The following B3GALT1 variants were observed in gnomAD, a reference collection of about 807,000 sequenced individuals.
B3GALT1 encodes UDP-Gal:betaGlcNAc beta 1,3-galactosyltransferase, polypeptide 1.
In B3GALT1, 10 loss-of-function variants were observed where a neutral mutation model predicts 23.2. That is an observed-to-expected ratio of 0.43 (90% CI 0.27 to 0.73). B3GALT1 has a LOEUF of 0.73. B3GALT1 is among the 30% of genes least tolerant of loss of function. The probability of loss-of-function intolerance (pLI) is 0.21; values close to 1 mark genes in which losing one functional copy is unlikely to be tolerated. For synonymous variants in B3GALT1, 156 were observed against 141.5 expected, an observed-to-expected ratio of 1.10 and a Z score of -0.73; for missense variants, 299 against 405.4, an observed-to-expected ratio of 0.74 and a Z score of 2.25.
At chr2:167,368,623 C>G (rs143737744) in intron 1 of B3GALT1, among the ~76,000 whole-genome samples, 1 of 152,128 alleles carries the variant, frequency 6.6e-6, no homozygotes, top group Non-Finnish European at 1.5e-5. Flanking sequence ...CTGGTACTTT[C>G]GTTGCATCTC....
At chr2:167,329,222 A>G (rs1696938107) in intron 1 of B3GALT1, among the ~76,000 whole-genome samples, 1 of 152,196 alleles carries the variant, frequency 6.6e-6, no homozygotes, top group East Asian at 1.9e-4. Flanking sequence ...ATTTTATTAC[A>G]AGAATTTTTA....
intron 2 of B3GALT1, among the ~76,000 whole-genome samples, chr2:167,566,556 A>G (rs901381985): frequency 3.5e-5 from 4 of 114,354 alleles, no homozygotes; most frequent in African/African-American, 1.5e-4. Context: ...AACTTTAAAA[A>G]AAAAGACAAA....
At chr2:167,837,765 A>T (rs1426117046) in intron 4 of B3GALT1, among the ~76,000 whole-genome samples, 1 of 148,898 alleles carries the variant, frequency 6.7e-6, no homozygotes, top group Non-Finnish European at 1.5e-5. Flanking sequence ...AAAATTGACC[A>T]CATAGTTGGA....
chr2:167,350,063 A>T (rs934216558), intron 1 of B3GALT1, among the ~76,000 whole-genome samples: 2 of 152,250 alleles, frequency 1.3e-5, no homozygotes, highest in Admixed American at 1.3e-4. Flanking sequence ...CCAATTGGGG[A>T]CTAATAAGCA....
chr2:167,779,934 T>G (rs765921410), intron 3 of B3GALT1, among the ~76,000 whole-genome samples: 1 of 152,212 alleles, frequency 6.6e-6, no homozygotes, highest in African/African-American at 2.4e-5. Context: ...TAACATATCC[T>G]AAAAACATCC....
At chr2:167,708,596 G>A (rs1224948599) in intron 3 of B3GALT1, among the ~76,000 whole-genome samples, 1 of 152,214 alleles carries the variant, frequency 6.6e-6, no homozygotes, top group Non-Finnish European at 1.5e-5. Flanking sequence ...GGGAAGCAGA[G>A]GTTGCGGTGA....
At chr2:167,573,506 T>G (rs982586947) in intron 2 of B3GALT1, among the ~76,000 whole-genome samples, 1 of 151,684 alleles carries the variant, frequency 6.6e-6, no homozygotes, top group African/African-American at 2.4e-5. Context: ...TGATGGCTTG[T>G]GGGAATTATG....
intron 1 of B3GALT1, among the ~76,000 whole-genome samples, chr2:167,368,212 G>A (rs1489803594): frequency 6.6e-6 from 1 of 152,146 alleles, no homozygotes; most frequent in African/African-American, 2.4e-5. Flanking sequence ...TTGTCTTCTG[G>A]AGTGTGTGAC....
chr2:167,774,015 G>A (rs998303119), intron 3 of B3GALT1, among the ~76,000 whole-genome samples: 13 of 152,220 alleles, frequency 8.5e-5, no homozygotes, highest in African/African-American at 3.1e-4. Context: ...TCCAACTGAA[G>A]TGGTATTCCA....
chr2:167,379,036 A>T (rs1029267865), intron 1 of B3GALT1, among the ~76,000 whole-genome samples: 5 of 152,272 alleles, frequency 3.3e-5, no homozygotes, highest in African/African-American at 1.2e-4. Context: ...TAAAGAACTT[A>T]CCCAAGACTG....
chr2:167,429,297 A>AT (rs1325957481), intron 1 of B3GALT1, among the ~76,000 whole-genome samples: 85 of 151,930 alleles, frequency 5.6e-4, no homozygotes, highest in African/African-American at 2.0e-3. Context: ...AAAAAAAAAA[A>AT]AAATAAGAAA....
At chr2:167,678,560 C>T (rs577020343) in intron 3 of B3GALT1, among the ~76,000 whole-genome samples, 2 of 144,490 alleles carry the variant, frequency 1.4e-5, no homozygotes, top group East Asian at 4.1e-4. Flanking sequence ...ACCCACCACT[C>T]AGAAATGCTG....
chr2:167,448,683 T>A (rs1021555870), intron 1 of B3GALT1, among the ~76,000 whole-genome samples: 3 of 152,172 alleles, frequency 2.0e-5, no homozygotes, highest in African/African-American at 7.2e-5. Flanking sequence ...CCTAAGCCAA[T>A]GTCTAGAAGG....
chr2:167,836,930 C>A (rs1033182936), intron 4 of B3GALT1, among the ~76,000 whole-genome samples: 26 of 152,052 alleles, frequency 1.7e-4, no homozygotes, highest in African/African-American at 6.3e-4. Context: ...CCAAACTAAG[C>A]TTCATAAGTG....
intron 2 of B3GALT1, among the ~76,000 whole-genome samples, chr2:167,619,547 A>G (rs572027843): frequency 6.6e-6 from 1 of 152,098 alleles, no homozygotes; most frequent in Non-Finnish European, 1.5e-5. Flanking sequence ...CATATATATT[A>G]TATAGTACAT....
At chr2:167,704,840 C>T (rs965094509) in intron 3 of B3GALT1, among the ~76,000 whole-genome samples, 1 of 152,134 alleles carries the variant, frequency 6.6e-6, no homozygotes, top group African/African-American at 2.4e-5. Context: ...TACCCCAAGT[C>T]ACTGATTTAT....
chr2:167,507,816 A>T (rs1699943970), intron 2 of B3GALT1, among the ~76,000 whole-genome samples: 1 of 152,204 alleles, frequency 6.6e-6, no homozygotes, highest in South Asian at 2.1e-4. Flanking sequence ...GACAAATCAT[A>T]ATTGTCTTAC....
At chr2:167,481,218 T>TTA (rs1699560625) in intron 1 of B3GALT1, among the ~76,000 whole-genome samples, 2 of 150,882 alleles carry the variant, frequency 1.3e-5, no homozygotes, top group Non-Finnish European at 2.9e-5. Flanking sequence ...TTATATATGG[T>TTA]AAAAAAAACA....
chr2:167,437,928 T>C (rs903162425), intron 1 of B3GALT1, among the ~76,000 whole-genome samples: 1 of 152,154 alleles, frequency 6.6e-6, no homozygotes, highest in African/African-American at 2.4e-5. Flanking sequence ...TCTGTTAAGG[T>C]AGACCCATTG....
Sources: allele counts gnomAD v4.1 joint callset (sites outside exome capture counted in the v4.1 genomes callset), GRCh38; gene constraint gnomAD v4.1.1; transcripts MANE v1.5; gene names NCBI Gene and HGNC (gene_info 2026-07-23, HGNC 2026-07-21).